The following LINGO2 variants were observed in gnomAD, a reference collection of about 807,000 sequenced individuals.
LINGO2 encodes the protein leucine rich repeat and Ig domain containing 2, also known as leucine-rich repeat and immunoglobulin-like domain-containing nogo receptor-interacting protein 2.
A neutral mutation model predicts 30.6 loss-of-function variants in LINGO2; 14 were observed. That is an observed-to-expected ratio of 0.46 (90% CI 0.30 to 0.72). The LOEUF (loss-of-function observed/expected upper bound fraction) is 0.72, where lower values mean the gene tolerates loss of function less well. Ranked by LOEUF, LINGO2 falls within the 30% of genes least tolerant of loss-of-function variation. The pLI, the probability that LINGO2 is intolerant of heterozygous loss-of-function variation, is 0.07. For missense variants in LINGO2, 729 were observed against 751.7 expected (o/e 0.97, Z 0.35); for synonymous variants, 317 against 288.5 (o/e 1.10, Z -1.00).
downstream of LINGO2, chr9:27,944,332 C>T (rs915316834): frequency 6.6e-6 from 1 of 152,134 alleles, no homozygotes; most frequent in African/African-American, 2.4e-5. Flanking sequence ...AAGAGCACAG[C>T]AATCAGCTAT....
At chr9:28,727,478 C>T in the LINGO2 span, among the ~76,000 whole-genome samples, 1,323 of 152,060 alleles carry the variant, frequency 8.7e-3, 26 homozygotes, top group East Asian at 0.081. Flanking sequence ...TTAGTAAAGA[C>T]GGGGTTTCAA....
At chr9:28,174,500 C>T (rs1828687995) in intron 4 of LINGO2, among the ~76,000 whole-genome samples, 1 of 152,178 alleles carries the variant, frequency 6.6e-6, no homozygotes, top group Admixed American at 6.5e-5. Flanking sequence ...TACAGGTACA[C>T]ACACACAAAC....
At chr9:28,084,695 G>A (rs1331185081) in intron 4 of LINGO2, among the ~76,000 whole-genome samples, 2 of 151,950 alleles carry the variant, frequency 1.3e-5, no homozygotes, top group Non-Finnish European at 2.9e-5. Context: ...TCTGTACTAT[G>A]GTATTTACCT....
chr9:28,425,387 A>G (rs1303259808), intron 2 of LINGO2, among the ~76,000 whole-genome samples: 1 of 151,232 alleles, frequency 6.6e-6, no homozygotes, highest in African/African-American at 2.4e-5. Context: ...TTATCCACAC[A>G]TAAGCTCTAA....
chr9:28,157,842 A>T (rs909434606), intron 4 of LINGO2, among the ~76,000 whole-genome samples: 14 of 152,126 alleles, frequency 9.2e-5, no homozygotes, highest in African/African-American at 3.4e-4. Flanking sequence ...GTTCCCAATA[A>T]GTTCCTCATC....
the LINGO2 span, among the ~76,000 whole-genome samples, chr9:29,059,935 G>A: frequency 6.6e-6 from 1 of 151,978 alleles, no homozygotes; most frequent in African/African-American, 2.4e-5. Flanking sequence ...CAGCTGAATG[G>A]CAGGGTAAGC....
At chr9:28,225,333 T>G (rs12683669) in intron 4 of LINGO2, among the ~76,000 whole-genome samples, 33,941 of 152,074 alleles carry the variant, frequency 0.22, 4,003 homozygotes, top group African/African-American at 0.29. Flanking sequence ...GGATGGTAAG[T>G]CTGAATATTT....
At chr9:28,062,603 T>C (rs1282624261) in intron 4 of LINGO2, among the ~76,000 whole-genome samples, 1 of 145,076 alleles carries the variant, frequency 6.9e-6, no homozygotes, top group African/African-American at 2.6e-5. Flanking sequence ...TTTGTATATA[T>C]ACAAAATCAA....
intron 1 of LINGO2, among the ~76,000 whole-genome samples, chr9:28,605,265 ATC>A (rs1825650921): frequency 6.6e-6 from 1 of 151,934 alleles, no homozygotes; most frequent in South Asian, 2.1e-4. Flanking sequence ...AATTAATTTT[ATC>A]TGTTTCTTTT....
the LINGO2 span, among the ~76,000 whole-genome samples, chr9:29,159,897 C>A: frequency 6.6e-6 from 1 of 151,364 alleles, no homozygotes; most frequent in Non-Finnish European, 1.5e-5. Context: ...TCAGAAATTT[C>A]ACAACCACCT....
chr9:28,516,425 A>G (rs948444627), intron 1 of LINGO2, among the ~76,000 whole-genome samples: 2 of 152,168 alleles, frequency 1.3e-5, no homozygotes, highest in East Asian at 3.9e-4. Context: ...CTGTGGACTA[A>G]GCCAGTCTTT....
intron 1 of LINGO2, among the ~76,000 whole-genome samples, chr9:28,659,973 A>G (rs193186156): frequency 6.6e-6 from 1 of 152,216 alleles, no homozygotes; most frequent in East Asian, 1.9e-4. Flanking sequence ...GAGGAAGTAA[A>G]TAATCCTGGA....
chr9:28,337,862 TGC>T (rs1227225449), intron 3 of LINGO2, among the ~76,000 whole-genome samples: 6 of 151,796 alleles, frequency 4.0e-5, no homozygotes, highest in African/African-American at 1.5e-4. Flanking sequence ...AGAAGTTTGC[TGC>T]AGGGGTGGGG....
At chr9:28,585,391 C>G (rs1315735768) in intron 1 of LINGO2, among the ~76,000 whole-genome samples, 1 of 151,812 alleles carries the variant, frequency 6.6e-6, no homozygotes, top group African/African-American at 2.4e-5. Context: ...GCTATGGATA[C>G]CAATTATTAG....
chr9:28,838,831 T>G, the LINGO2 span, among the ~76,000 whole-genome samples: 9 of 152,276 alleles, frequency 5.9e-5, no homozygotes, highest in East Asian at 1.7e-3. Flanking sequence ...ATCCCATGCC[T>G]GCTAAAGGTA....
At chr9:27,950,350 G>A (rs778347323) in exon 6 of LINGO2, 11 of 1,614,026 alleles carry the variant, frequency 6.8e-6, no homozygotes, top group East Asian at 2.2e-5. Context: ...CGGAGGGAAC[G>A]CAGGTTAAAG....
chr9:28,862,574 G>A, the LINGO2 span, among the ~76,000 whole-genome samples: 4 of 151,948 alleles, frequency 2.6e-5, no homozygotes, highest in African/African-American at 9.7e-5. Context: ...CACTTCTAAG[G>A]AATGAAACAT....
chr9:29,138,211 GGTTTAATGTACAATTAAC>G, the LINGO2 span, among the ~76,000 whole-genome samples: 1 of 151,962 alleles, frequency 6.6e-6, no homozygotes, highest in Non-Finnish European at 1.5e-5. Flanking sequence ...TGTGGTAATA[GGTTTAATGTACAATTAAC>G]ACAGTCAATA....
chr9:28,070,699 C>T (rs999642222), intron 4 of LINGO2, among the ~76,000 whole-genome samples: 1 of 151,238 alleles, frequency 6.6e-6, no homozygotes, highest in Admixed American at 6.6e-5. Context: ...ACCAGAATTA[C>T]TATTATTTTG....
Sources: gnomAD v4.1 joint callset for allele counts (sites outside exome capture counted in the v4.1 genomes callset) on GRCh38, gnomAD v4.1.1 for gene constraint, MANE v1.5 for transcripts, NCBI Gene and HGNC (gene_info 2026-07-23, HGNC 2026-07-21) for gene names.